Variants in ATRNL1 observed in about 807,000 individuals in gnomAD.
ATRNL1 encodes the protein attractin like 1, also known as attractin-like protein 1.
ATRNL1 carries 95 observed loss-of-function variants against 182.7 expected under a neutral mutation model. The ratio of observed to expected loss-of-function variants is 0.52; its 90% CI spans 0.44 to 0.62. ATRNL1 has a LOEUF of 0.62. ATRNL1 is among the 20% of genes least tolerant of loss of function. ATRNL1 has a pLI of 0.00. For synonymous variants in ATRNL1, 576 were observed against 568.3 expected (o/e 1.01, Z -0.19); for missense variants, 1,471 against 1,679.5 (o/e 0.88, Z 2.17).
intron 26 of ATRNL1, among the ~76,000 whole-genome samples, chr10:115,557,744 A>T (rs1480584363): frequency 6.6e-6 from 1 of 152,112 alleles, no homozygotes; most frequent in Non-Finnish European, 1.5e-5. Context: ...TAGTGAAAAA[A>T]TCTTTAAAAA....
chr10:115,699,265 T>C (rs1555050779), intron 26 of ATRNL1, among the ~76,000 whole-genome samples: 1 of 152,156 alleles, frequency 6.6e-6, no homozygotes, highest in African/African-American at 2.4e-5. Flanking sequence ...TTGCAACATG[T>C]TTTTATAAAA....
intron 1 of ATRNL1, among the ~76,000 whole-genome samples, chr10:115,102,318 C>G (rs1843803160): frequency 1.3e-5 from 2 of 151,936 alleles, no homozygotes; most frequent in Non-Finnish European, 2.9e-5. Context: ...AATTGGACGT[C>G]TTTATGTATA....
At chr10:115,698,401 T>A (rs1175830188) in intron 26 of ATRNL1, among the ~76,000 whole-genome samples, 1 of 152,116 alleles carries the variant, frequency 6.6e-6, no homozygotes, top group African/African-American at 2.4e-5. Context: ...CATGAAGGCA[T>A]TTTAAGATGA....
chr10:115,236,184 C>T (rs1334009308), intron 9 of ATRNL1, among the ~76,000 whole-genome samples: 3 of 152,062 alleles, frequency 2.0e-5, no homozygotes, highest in African/African-American at 7.2e-5. Context: ...AAATCATTAC[C>T]CTCAAGGAAC....
chr10:115,196,745 A>G (rs1554891167), intron 8 of ATRNL1, among the ~76,000 whole-genome samples: 1 of 152,116 alleles, frequency 6.6e-6, no homozygotes, highest in Admixed American at 6.6e-5. Context: ...TTCATTTTCA[A>G]ATATGGGTTT....
At chr10:115,768,496 A>C (rs1555075569) in intron 27 of ATRNL1, among the ~76,000 whole-genome samples, 1 of 152,092 alleles carries the variant, frequency 6.6e-6, no homozygotes, top group African/African-American at 2.4e-5. Flanking sequence ...ACCTAATTAC[A>C]TTTTCATATT....
intron 26 of ATRNL1, among the ~76,000 whole-genome samples, chr10:115,616,127 T>C (rs148367075): frequency 1.3e-3 from 194 of 152,272 alleles, no homozygotes; most frequent in African/African-American, 4.5e-3. Flanking sequence ...CAGTTGGAAA[T>C]GAGAAACTCA....
chr10:115,249,821 T>C (rs74946218), intron 10 of ATRNL1, among the ~76,000 whole-genome samples: 2,237 of 152,238 alleles, frequency 0.015, 48 homozygotes, highest in African/African-American at 0.05. Flanking sequence ...CTTGAACTGT[T>C]TATGAAGTGA....
At chr10:115,144,582 C>T (rs1052286193) in intron 5 of ATRNL1, among the ~76,000 whole-genome samples, 1 of 152,058 alleles carries the variant, frequency 6.6e-6, no homozygotes, top group Admixed American at 6.5e-5. Context: ...CGTGAGCCAC[C>T]GTGCCTGGGC....
intron 26 of ATRNL1, among the ~76,000 whole-genome samples, chr10:115,562,265 A>G (rs1472621059): frequency 2.0e-5 from 3 of 152,202 alleles, no homozygotes; most frequent in African/African-American, 7.2e-5. Context: ...CTAAAGAGAC[A>G]GTAAGTAAAT....
chr10:115,856,241 A>G (rs566462575), intron 28 of ATRNL1, among the ~76,000 whole-genome samples: 1 of 151,962 alleles, frequency 6.6e-6, no homozygotes, highest in South Asian at 2.1e-4. Context: ...TAGCCTGGCC[A>G]ACATAGTGAA....
At chr10:115,763,306 A>G (rs1948778192) in intron 27 of ATRNL1, among the ~76,000 whole-genome samples, 2 of 152,230 alleles carry the variant, frequency 1.3e-5, no homozygotes, top group Admixed American at 6.5e-5. Context: ...GACTCACATA[A>G]TCTACTAAGG....
chr10:115,549,334 T>C (rs1852836380), intron 25 of ATRNL1, 124 bp from the exon 26 acceptor site: 1 of 513,778 alleles, frequency 1.9e-6, no homozygotes, highest in Non-Finnish European at 3.1e-6. Context: ...ATCATATTTT[T>C]GATTGTTTAC....
At chr10:115,742,001 T>A (rs1208568117) in intron 27 of ATRNL1, among the ~76,000 whole-genome samples, 1 of 152,204 alleles carries the variant, frequency 6.6e-6, no homozygotes, top group Non-Finnish European at 1.5e-5. Flanking sequence ...GTCATCCATT[T>A]CAAAGCAGTC....
intron 26 of ATRNL1, among the ~76,000 whole-genome samples, chr10:115,561,511 G>T (rs1853705936): frequency 6.6e-6 from 1 of 152,030 alleles, no homozygotes; most frequent in African/African-American, 2.4e-5. Flanking sequence ...ATTGTATTGG[G>T]CACTATAAGT....
At chr10:115,434,650 C>G (rs1463968584) in intron 21 of ATRNL1, among the ~76,000 whole-genome samples, 1 of 152,048 alleles carries the variant, frequency 6.6e-6, no homozygotes, top group African/African-American at 2.4e-5. Context: ...ATCATAACTT[C>G]CCAAAATTGA....
chr10:115,870,605 A>G (rs1367758638), intron 28 of ATRNL1, among the ~76,000 whole-genome samples: 1 of 152,208 alleles, frequency 6.6e-6, no homozygotes, highest in Non-Finnish European at 1.5e-5. Flanking sequence ...AGCAGAGATT[A>G]TTATCCTCAT....
At chr10:115,814,499 G>A (rs1475283574) in intron 27 of ATRNL1, among the ~76,000 whole-genome samples, 2 of 152,056 alleles carry the variant, frequency 1.3e-5, no homozygotes, top group Non-Finnish European at 2.9e-5. Flanking sequence ...ATAAATTTTT[G>A]AAAGTACAAG....
intron 27 of ATRNL1, among the ~76,000 whole-genome samples, chr10:115,802,045 C>A (rs1223269791): frequency 1.5e-5 from 1 of 67,026 alleles, no homozygotes; most frequent in Non-Finnish European, 3.2e-5. Flanking sequence ...CACACACACA[C>A]AAAACAAAAA....
Sources: gnomAD v4.1 joint callset for allele counts (sites outside exome capture counted in the v4.1 genomes callset) on GRCh38, gnomAD v4.1.1 for gene constraint, MANE v1.5 for transcripts, NCBI Gene and HGNC (gene_info 2026-07-23, HGNC 2026-07-21) for gene names.